Variants in CSMD1 observed in about 807,000 individuals in gnomAD.
CSMD1 encodes CUB and Sushi multiple domains 1, also known as CUB and sushi domain-containing protein 1.
In CSMD1, 213 loss-of-function variants were observed where a neutral mutation model predicts 417.5. The ratio of observed to expected loss-of-function variants is 0.51; its 90% CI spans 0.46 to 0.57. The LOEUF (loss-of-function observed/expected upper bound fraction) is 0.57, where lower values mean the gene tolerates loss of function less well. CSMD1 is among the 20% of genes least tolerant of loss of function. The pLI, the probability that CSMD1 is intolerant of heterozygous loss-of-function variation, is 0.00. For synonymous variants in CSMD1, 2,862 were observed against 1,736.8 expected, an observed-to-expected ratio of 1.65 and a Z score of -16.11; for missense variants, 6,923 against 4,529.7, an observed-to-expected ratio of 1.53 and a Z score of -15.17.
chr8:4,467,945 AAAGT>A (rs1800284630), intron 2 of CSMD1, among the ~76,000 whole-genome samples: 1 of 152,304 alleles, frequency 6.6e-6, no homozygotes, highest in East Asian at 1.9e-4. Context: ...CTGAACTAAC[AAAGT>A]AATATGATGG....
chr8:3,366,641 G>A (rs963254198), intron 20 of CSMD1, among the ~76,000 whole-genome samples: 9 of 152,250 alleles, frequency 5.9e-5, no homozygotes, highest in East Asian at 1.9e-4. Flanking sequence ...GGCACCTACC[G>A]TAGGGTAGAA....
chr8:4,615,667 T>C (rs1299434306), intron 2 of CSMD1, among the ~76,000 whole-genome samples: 2 of 152,192 alleles, frequency 1.3e-5, no homozygotes, highest in Non-Finnish European at 2.9e-5. Flanking sequence ...TAAGGTGTTA[T>C]TTCCTTATAC....
intron 51 of CSMD1, among the ~76,000 whole-genome samples, chr8:3,021,998 C>T (rs1294560597): frequency 6.6e-6 from 1 of 150,516 alleles, no homozygotes; most frequent in Admixed American, 6.6e-5. Context: ...ATCAGGAATG[C>T]ACCTGCAATC....
At chr8:4,195,837 G>C (rs551433356) in intron 3 of CSMD1, among the ~76,000 whole-genome samples, 1 of 152,276 alleles carries the variant, frequency 6.6e-6, no homozygotes, top group South Asian at 2.1e-4. Context: ...TGAGGAGGCA[G>C]TGGAATTAAC....
chr8:4,590,045 T>A (rs1036228125), intron 2 of CSMD1, among the ~76,000 whole-genome samples: 8 of 152,232 alleles, frequency 5.3e-5, no homozygotes, highest in Non-Finnish European at 1.2e-4. Context: ...TTAACAATAT[T>A]ACATTTATTT....
intron 26 of CSMD1, among the ~76,000 whole-genome samples, chr8:3,241,276 A>G (rs925257089): frequency 4.8e-4 from 73 of 150,672 alleles, no homozygotes; most frequent in Admixed American, 3.3e-4. Context: ...GGGAGTTTTA[A>G]GAGGTTTAGA....
intron 3 of CSMD1, among the ~76,000 whole-genome samples, chr8:4,349,496 A>G (rs1480160059): frequency 1.3e-5 from 2 of 152,182 alleles, no homozygotes; most frequent in Non-Finnish European, 2.9e-5. Context: ...AGCTCTATCT[A>G]GAATCTACCT....
rs117848690 is a variant in CSMD1 at position 4,498,367 on chromosome 8, T to C, written c.303-78302A>G. On this transcript the variant is annotated intron_variant, in intron 2 of 69. Coordinates refer to ENST00000635120, the MANE Select transcript of CSMD1 (RefSeq NM_033225.6). The stretch of plus-strand genomic sequence containing the variant: ...TATTTCTTATGTATTTATATAATCT[T>C]ATATAGCATGTGCATATTTTTGTAT... 1.4e-3 allele frequency among the ~76,000 whole-genome samples: 208 copies of C among 152,318 alleles called. 5 individuals carry two copies. The East Asian group carries it at 0.033, about 24-fold the overall frequency.
intron 2 of CSMD1, among the ~76,000 whole-genome samples, chr8:4,484,658 T>C (rs1392644971): frequency 1.3e-5 from 2 of 152,008 alleles, no homozygotes; most frequent in African/African-American, 4.8e-5. Context: ...GCATGGTCCC[T>C]ACCTGGGAAG....
chr8:3,493,120 C>G (rs1435845531), intron 11 of CSMD1, among the ~76,000 whole-genome samples: 1 of 151,868 alleles, frequency 6.6e-6, no homozygotes, highest in Non-Finnish European at 1.5e-5. Context: ...ATGGCAAACG[C>G]CTGTCTCTAA....
At position 3,365,765 on chromosome 8, in the gene CSMD1, T is replaced by C. The variant is rs139206750; in HGVS notation, c.3115+1267A>G. 3.1e-3 allele frequency among the ~76,000 whole-genome samples: 478 copies of C among 152,338 alleles called. 6 individuals carry two copies. Among genetic ancestry groups the C allele is most frequent in the African/African-American group, 0.011 (462 of 41,580 alleles). Reference sequence around the variant, plus strand: ...AGAGTTACCCTCAGGTTTTCCACTGTGTGGGGGTTGACACCCCAACCCTTG... The same window carrying C: ...AGAGTTACCCTCAGGTTTTCCACTGCGTGGGGGTTGACACCCCAACCCTTG... On this transcript the variant is annotated intron_variant, in intron 20 of 69. Transcript: ENST00000635120.
intron 37 of CSMD1, among the ~76,000 whole-genome samples, chr8:3,167,260 A>G (rs1420696317): frequency 2.0e-5 from 3 of 146,532 alleles, no homozygotes; most frequent in African/African-American, 5.0e-5. Context: ...CTCCAGCCTG[A>G]GTGACAGAGC....
In CSMD1 at chr8:3,133,747, C is replaced by G. The variant is rs1817922727; in HGVS notation, c.6241+8718G>C. On this transcript the variant is annotated intron_variant, in intron 41 of 69. Coordinates refer to ENST00000635120, the MANE Select transcript of CSMD1 (RefSeq NM_033225.6). ...GCTGGCTCAGGACCTACAGGTTGGA[C>G]TCATTCCCCCTCCATGAACTGACCA... is the stretch of plus-strand genomic sequence containing the variant. Among the ~76,000 whole-genome samples the G allele has an allele frequency of 7.9e-5, 12 of 152,284 alleles. No homozygotes were observed. The South Asian group carries it at 2.1e-3, about 26-fold the overall frequency.
At chr8:3,056,279 A>C (rs1292765651) in intron 49 of CSMD1, among the ~76,000 whole-genome samples, 1 of 152,208 alleles carries the variant, frequency 6.6e-6, no homozygotes, top group Non-Finnish European at 1.5e-5. Context: ...TTAATACCAC[A>C]AACCCCACAT....
At position 4,241,976 on chromosome 8, in the gene CSMD1, T is replaced by A. The variant is rs115513133; in HGVS notation, c.415+177977A>T. On this transcript the variant is annotated intron_variant, in intron 3 of 69. Coordinates refer to ENST00000635120, the MANE Select transcript of CSMD1 (RefSeq NM_033225.6). Reference sequence around the variant, plus strand: ...GTATAAGTTTTCAAACGGATTAACATGCCAACAGTGCTTTAAAGTAAATGA... The same window carrying A: ...GTATAAGTTTTCAAACGGATTAACAAGCCAACAGTGCTTTAAAGTAAATGA... Among the ~76,000 whole-genome samples, 573 of 152,334 alleles carry A rather than the reference T, an allele frequency of 3.8e-3. 3 individuals carry two copies. Among genetic ancestry groups the A allele is most frequent in the African/African-American group, 0.013 (548 of 41,568 alleles).
chr8:3,737,438 A>G (rs1332200033), intron 6 of CSMD1, among the ~76,000 whole-genome samples: 1 of 152,254 alleles, frequency 6.6e-6, no homozygotes, highest in African/African-American at 2.4e-5. Context: ...TTTTAGAATT[A>G]AAGTTACAGA....
intron 7 of CSMD1, among the ~76,000 whole-genome samples, chr8:3,671,118 T>A (rs540390489): frequency 1.1e-4 from 16 of 146,924 alleles, no homozygotes; most frequent in African/African-American, 2.7e-4. Context: ...TATATGTATA[T>A]GGGATATATA....
intron 2 of CSMD1, among the ~76,000 whole-genome samples, chr8:4,481,387 T>C (rs1271004006): frequency 2.0e-5 from 3 of 152,224 alleles, no homozygotes; most frequent in Admixed American, 2.0e-4. Flanking sequence ...ATGAGACATC[T>C]CAATGCTAAG....
At chr8:3,448,418 G>GGGAGGGAGGGAGAGAGGGAGGGAGGC (rs1554556114) in intron 12 of CSMD1, among the ~76,000 whole-genome samples, 1 of 137,134 alleles carries the variant, frequency 7.3e-6, no homozygotes, top group Admixed American at 7.3e-5. Flanking sequence ...AAGGAAGGAA[G>GGGAGGGAGGGAGAGAGGGAGGGAGGC]GGAAGGAAGA....
Sources: allele counts gnomAD v4.1 joint callset (sites outside exome capture counted in the v4.1 genomes callset), GRCh38; gene constraint gnomAD v4.1.1; transcripts MANE v1.5; gene names NCBI Gene and HGNC (gene_info 2026-07-23, HGNC 2026-07-21).